Variants in NSL1 observed in about 807,000 individuals in gnomAD.
NSL1 encodes NSL1 component of MIS12 kinetochore complex.
In NSL1, 11 loss-of-function variants were observed where a neutral mutation model predicts 25.4. The ratio of observed to expected loss-of-function variants is 0.43; its 90% CI spans 0.27 to 0.72. The LOEUF (loss-of-function observed/expected upper bound fraction) is 0.72, where lower values mean the gene tolerates loss of function less well. NSL1 is among the 30% of genes least tolerant of loss of function. NSL1 has a pLI of 0.19. For missense variants in NSL1, 330 were observed against 342.7 expected (o/e 0.96, Z 0.29); for synonymous variants, 118 against 120.6 (o/e 0.98, Z 0.14).
At chr1:212,781,544 C>G (rs139777035) in intron 4 of NSL1, among the ~76,000 whole-genome samples, 5 of 152,114 alleles carry the variant, frequency 3.3e-5, no homozygotes, top group African/African-American at 1.2e-4. Flanking sequence ...TACTTCCCCC[C>G]CTCTCAGTTT....
At chr1:212,762,483 T>C (rs568557909) in intron 4 of NSL1, among the ~76,000 whole-genome samples, 11 of 152,218 alleles carry the variant, frequency 7.2e-5, no homozygotes, top group African/African-American at 2.6e-4. Context: ...CCTCTCCCAC[T>C]TGGAAGGAAA....
chr1:212,779,202 C>T (rs1337784191), intron 4 of NSL1, among the ~76,000 whole-genome samples: 1 of 151,836 alleles, frequency 6.6e-6, no homozygotes, highest in African/African-American at 2.4e-5. Context: ...GCGTCTCCGC[C>T]CGGCCAGCCG....
intron 4 of NSL1, among the ~76,000 whole-genome samples, chr1:212,778,842 G>C (rs1204053128): frequency 6.6e-6 from 1 of 151,780 alleles, no homozygotes; most frequent in African/African-American, 2.4e-5. Context: ...AGTGAGGAGC[G>C]TCTCTGCCTG....
At chr1:212,786,596 T>C (rs1376623685) in intron 2 of NSL1, among the ~76,000 whole-genome samples, 1 of 152,066 alleles carries the variant, frequency 6.6e-6, no homozygotes, top group East Asian at 1.9e-4. Flanking sequence ...TCACCTGAGT[T>C]TGAGAGTTCG....
At chr1:212,780,366 C>A (rs1230976238) in intron 4 of NSL1, among the ~76,000 whole-genome samples, 3 of 151,388 alleles carry the variant, frequency 2.0e-5, no homozygotes, top group Non-Finnish European at 2.9e-5. Context: ...ACAAACACTG[C>A]GGAAGGCCGC....
chr1:212,763,208 A>G (rs1382886245), intron 4 of NSL1, among the ~76,000 whole-genome samples: 3 of 152,210 alleles, frequency 2.0e-5, no homozygotes, highest in African/African-American at 4.8e-5. Context: ...GAACTCTTCT[A>G]TGCAGCAGAT....
chr1:212,784,308 A>C (rs1350508538), intron 3 of NSL1, 55 bp downstream of exon 3: 1 of 1,247,424 alleles, frequency 8.0e-7, no homozygotes, highest in African/African-American at 1.5e-5. Flanking sequence ...CTTATATTTT[A>C]ATGTTTTTAT....
intron 4 of NSL1, among the ~76,000 whole-genome samples, chr1:212,742,262 T>C (rs1229722691): frequency 3.3e-5 from 5 of 152,194 alleles, no homozygotes; most frequent in Admixed American, 3.3e-4. Flanking sequence ...TGAGTAAGCT[T>C]GGACTTAAGA....
In NSL1 at chr1:212,730,875, GCCACAAGC is replaced by G; in HGVS notation, c.*7525_*7532del. 2 of 985,298 alleles carry G rather than the reference GCCACAAGC, an allele frequency of 2.0e-6. No individual in the cohort carries two copies. Among genetic ancestry groups the G allele is most frequent in the South Asian group, 9.4e-5 (2 of 21,278 alleles). The allele number at this position is 985,298 out of a possible 1,614,324, so 61.0% of individuals were successfully genotyped here. On this transcript the variant is annotated 3_prime_UTR_variant, in exon 6 of 6. Coordinates refer to ENST00000366977, the MANE Select transcript of NSL1 (RefSeq NM_015471.4). ...AGTTCAATTAATAATGAATATAAAT[GCCACAAGC>G]CATTAATGTGTGAGATTGTGATCCA...
At chr1:212,738,925 G>A (rs1388489160) in intron 5 of NSL1, among the ~76,000 whole-genome samples, 1 of 152,040 alleles carries the variant, frequency 6.6e-6, no homozygotes, top group Non-Finnish European at 1.5e-5. Context: ...ACCACACTTG[G>A]CTAATTTTTG....
chr1:212,766,995 T>C (rs2102376883), intron 4 of NSL1, among the ~76,000 whole-genome samples: 1 of 152,238 alleles, frequency 6.6e-6, no homozygotes, highest in Non-Finnish European at 1.5e-5. Context: ...AGAATCAATA[T>C]TGTGAAAATG....
Position 212,737,281 on chromosome 1 carries a change from G to C in NSL1, c.*1127C>G. 1 of 985,120 alleles carries C rather than the reference G, an allele frequency of 1.0e-6. No homozygotes were observed. The highest frequency in any genetic ancestry group is 1.7e-5 in the African/African-American group (1 of 57,348). 61.0% of individuals were successfully genotyped at this position (985,120 alleles called of 1,614,324 possible). On this transcript the variant is annotated 3_prime_UTR_variant, in exon 6 of 6. Coordinates refer to ENST00000366977, the MANE Select transcript of NSL1 (RefSeq NM_015471.4). The stretch of plus-strand genomic sequence containing the variant: ...AGTGGCTTTATAAGTTTTCTTCACT[G>C]AGACAGACCTTCTGGTGACTTCTGG...
chr1:212,783,667 C>A (rs1195946102), intron 3 of NSL1, among the ~76,000 whole-genome samples: 2 of 152,166 alleles, frequency 1.3e-5, no homozygotes, highest in African/African-American at 4.8e-5. Context: ...CCTCCCCTCC[C>A]CACCAAGGGA....
chr1:212,745,340 A>G (rs896063194), intron 4 of NSL1, among the ~76,000 whole-genome samples: 4 of 151,912 alleles, frequency 2.6e-5, no homozygotes, highest in African/African-American at 9.7e-5. Context: ...AAGCTCAACA[A>G]ACTCCAAGCA....
At position 212,732,246 on chromosome 1, in the gene NSL1, T is replaced by C; in HGVS notation, c.*6162A>G. The C allele has an allele frequency of 1.0e-6, 1 of 981,102 alleles. No homozygotes were observed. 60.8% of individuals were successfully genotyped at this position (981,102 alleles called of 1,614,324 possible). A position where few individuals can be genotyped will look rare whatever the true frequency, so the allele number is the denominator to read the frequency against. On this transcript the variant is annotated 3_prime_UTR_variant, in exon 6 of 6. Coordinates refer to ENST00000366977, the MANE Select transcript of NSL1 (RefSeq NM_015471.4). ...CTCCTTTATACAATTTTCTGCATAG[T>C]TAACATTATCACTCGTGTTGTCACT...
intron 4 of NSL1, among the ~76,000 whole-genome samples, chr1:212,756,299 T>G (rs935263541): frequency 6.6e-6 from 1 of 152,102 alleles, no homozygotes; most frequent in African/African-American, 2.4e-5. Context: ...TTTGTATTTT[T>G]TGTAGAGACG....
rs536414217 is a variant in NSL1, at chr1:212,728,374, C to T, written c.*10034G>A. ...CTGCTTTAAACAGTTCTACAATTCACGCTATTTATTAATGGCCTTTTACCC... is the reference window on the plus strand; with the variant it reads ...CTGCTTTAAACAGTTCTACAATTCATGCTATTTATTAATGGCCTTTTACCC... On this transcript the variant is annotated 3_prime_UTR_variant, in exon 6 of 6. Coordinates refer to ENST00000366977, the MANE Select transcript of NSL1 (RefSeq NM_015471.4). 9.0e-5 allele frequency: 89 copies of T among 985,382 alleles called. No individual in the cohort carries two copies. The South Asian group carries it at 3.3e-3, about 37-fold the overall frequency. The allele number at this position is 985,382 out of a possible 1,614,324, so 61.0% of individuals were successfully genotyped here.
intron 4 of NSL1, among the ~76,000 whole-genome samples, chr1:212,747,736 G>A (rs1054080871): frequency 6.6e-6 from 1 of 152,138 alleles, no homozygotes; most frequent in Non-Finnish European, 1.5e-5. Context: ...GCTTATCTTA[G>A]GTAGAAATAA....
chr1:212,779,055 C>A (rs1242059108), intron 4 of NSL1, among the ~76,000 whole-genome samples: 29 of 102,786 alleles, frequency 2.8e-4, no homozygotes, highest in Non-Finnish European at 8.1e-5. Context: ...CCGGCCACGA[C>A]CCCATCTAGG....
Sources: gnomAD v4.1 joint callset for allele counts (sites outside exome capture counted in the v4.1 genomes callset) on GRCh38, gnomAD v4.1.1 for gene constraint, MANE v1.5 for transcripts, NCBI Gene and HGNC (gene_info 2026-07-23, HGNC 2026-07-21) for gene names.